The following HS6ST3 variants were observed in gnomAD, a reference collection of about 807,000 sequenced individuals.
HS6ST3 encodes heparan sulfate 6-O-sulfotransferase 3.
Under a neutral mutation model 36.7 loss-of-function variants are expected in HS6ST3, and 12 were observed. That is an observed-to-expected ratio of 0.33 (90% confidence interval 0.21 to 0.53). The LOEUF is 0.53. Among genes scored for constraint, HS6ST3 ranks in the 20% least tolerant of loss-of-function variants. The pLI is 0.95. For synonymous variants in HS6ST3, 240 were observed against 257.5 expected (o/e 0.93, Z 0.65); for missense variants, 584 against 640.9 (o/e 0.91, Z 0.96).
chr13:96,426,694 T>C (rs549750123), intron 1 of HS6ST3, among the ~76,000 whole-genome samples: 2 of 152,322 alleles, frequency 1.3e-5, no homozygotes, highest in East Asian at 3.9e-4. Context: ...AGTCAACTGC[T>C]TCTGTGTTCC....
chr13:96,321,199 G>T (rs1458931524), intron 1 of HS6ST3, among the ~76,000 whole-genome samples: 2 of 151,856 alleles, frequency 1.3e-5, no homozygotes, highest in Non-Finnish European at 2.9e-5. Context: ...ATGTGCTTCA[G>T]TCTATCTGCT....
chr13:96,125,575 A>G (rs2053946459), intron 1 of HS6ST3, among the ~76,000 whole-genome samples: 1 of 152,160 alleles, frequency 6.6e-6, no homozygotes, highest in Non-Finnish European at 1.5e-5. Context: ...AATCCTACAT[A>G]GCATAAGGCA....
intron 1 of HS6ST3, among the ~76,000 whole-genome samples, chr13:96,147,541 C>G (rs369999661): frequency 6.6e-6 from 1 of 152,182 alleles, no homozygotes; most frequent in Non-Finnish European, 1.5e-5. Context: ...TCTGCTTGTT[C>G]CCCAACCCCT....
intron 1 of HS6ST3, among the ~76,000 whole-genome samples, chr13:96,532,429 C>G (rs559879499): frequency 4.6e-5 from 7 of 152,142 alleles, no homozygotes; most frequent in Admixed American, 1.3e-4. Flanking sequence ...TAATGAAACA[C>G]TTGAGGTCTG....
At chr13:96,096,450 GT>G (rs1392906423) in intron 1 of HS6ST3, among the ~76,000 whole-genome samples, 1 of 152,126 alleles carries the variant, frequency 6.6e-6, no homozygotes, top group Non-Finnish European at 1.5e-5. Context: ...TTTATTTTAA[GT>G]TTCGTTAGTT....
intron 1 of HS6ST3, among the ~76,000 whole-genome samples, chr13:96,259,305 T>A (rs2054652904): frequency 6.6e-6 from 1 of 152,178 alleles, no homozygotes; most frequent in South Asian, 2.1e-4. Flanking sequence ...TTAAAGACAT[T>A]GGAACCTGTG....
intron 1 of HS6ST3, among the ~76,000 whole-genome samples, chr13:96,156,262 G>A (rs2054110106): frequency 6.6e-6 from 1 of 152,054 alleles, no homozygotes; most frequent in South Asian, 2.1e-4. Context: ...GGCAGACCTG[G>A]GACTGGAACT....
chr13:96,240,267 T>A (rs1285674093), intron 1 of HS6ST3, among the ~76,000 whole-genome samples: 1 of 152,106 alleles, frequency 6.6e-6, no homozygotes. Flanking sequence ...GTTGCTCCAG[T>A]GACATATTAT....
At chr13:96,461,824 C>G (rs1181095971) in intron 1 of HS6ST3, among the ~76,000 whole-genome samples, 1 of 152,076 alleles carries the variant, frequency 6.6e-6, no homozygotes, top group Admixed American at 6.6e-5. Flanking sequence ...TTATATGGGG[C>G]AAGCACAACC....
chr13:96,614,376 A>C (rs1228556919), intron 1 of HS6ST3, among the ~76,000 whole-genome samples: 2 of 150,380 alleles, frequency 1.3e-5, no homozygotes, highest in African/African-American at 4.9e-5. Context: ...CTCTTGGGAG[A>C]AATGGGTAAG....
chr13:96,650,071 T>G (rs1468391977), intron 1 of HS6ST3, among the ~76,000 whole-genome samples: 2 of 151,914 alleles, frequency 1.3e-5, no homozygotes, highest in Non-Finnish European at 2.9e-5. Flanking sequence ...CTCCCTTTCC[T>G]AGTAGGGCAG....
At chr13:96,331,762 G>A (rs878889442) in intron 1 of HS6ST3, among the ~76,000 whole-genome samples, 2 of 152,102 alleles carry the variant, frequency 1.3e-5, no homozygotes, top group Non-Finnish European at 2.9e-5. Context: ...GGGCAATGGC[G>A]GGCGCCCCTC....
intron 1 of HS6ST3, among the ~76,000 whole-genome samples, chr13:96,134,317 A>G (rs2139313423): frequency 6.6e-6 from 1 of 151,772 alleles, no homozygotes; most frequent in Admixed American, 6.6e-5. Context: ...ATCTTTTTCT[A>G]ATACTTTTAA....
intron 1 of HS6ST3, among the ~76,000 whole-genome samples, chr13:96,466,686 GT>G (rs2055815650): frequency 6.6e-6 from 1 of 152,182 alleles, no homozygotes; most frequent in Non-Finnish European, 1.5e-5. Flanking sequence ...TAATGGCTAT[GT>G]TGTTAAGTAG....
intron 1 of HS6ST3, among the ~76,000 whole-genome samples, chr13:96,528,248 T>C (rs1007581115): frequency 1.3e-5 from 2 of 152,242 alleles, no homozygotes; most frequent in Non-Finnish European, 2.9e-5. Context: ...CTGTTTTTAC[T>C]TGAAACAATA....
chr13:96,132,171 C>T (rs1027979109), intron 1 of HS6ST3, among the ~76,000 whole-genome samples: 2 of 131,592 alleles, frequency 1.5e-5, no homozygotes, highest in East Asian at 2.2e-4. Flanking sequence ...CACACACACA[C>T]AGAGCGCATT....
At chr13:96,246,930 C>G (rs1032754276) in intron 1 of HS6ST3, among the ~76,000 whole-genome samples, 1 of 152,020 alleles carries the variant, frequency 6.6e-6, no homozygotes, top group Admixed American at 6.6e-5. Context: ...TGCTTAGTAT[C>G]TGCTGCTAAA....
chr13:96,094,750 T>G (rs2053781823), intron 1 of HS6ST3, among the ~76,000 whole-genome samples: 1 of 152,168 alleles, frequency 6.6e-6, no homozygotes, highest in African/African-American at 2.4e-5. Context: ...CCCGGGCTGG[T>G]GGTTTGAATC....
At chr13:96,711,658 A>G (rs1055467639) in intron 1 of HS6ST3, among the ~76,000 whole-genome samples, 1 of 152,136 alleles carries the variant, frequency 6.6e-6, no homozygotes, top group Non-Finnish European at 1.5e-5. Flanking sequence ...CTCTTTATCA[A>G]ACCACCATCC....
Sources: allele counts gnomAD v4.1 joint callset (sites outside exome capture counted in the v4.1 genomes callset), GRCh38; gene constraint gnomAD v4.1.1; transcripts MANE v1.5; gene names NCBI Gene and HGNC (gene_info 2026-07-23, HGNC 2026-07-21).